Variants in TOX2 observed in about 807,000 individuals in gnomAD.
The protein encoded by TOX2 is TOX high mobility group box family member 2, also known as granulosa cell HMG box 1.
TOX2 carries 15 observed loss-of-function variants against 47.4 expected under a neutral mutation model. The observed-to-expected ratio is 0.32, with a 90% CI of 0.21 to 0.49. TOX2 has a LOEUF of 0.49. Ranked by LOEUF, TOX2 falls within the 20% of genes least tolerant of loss-of-function variation. TOX2 has a pLI of 0.99. For missense variants in TOX2, 622 were observed against 673.1 expected (o/e 0.92, Z 0.84); for synonymous variants, 290 against 296.6 (o/e 0.98, Z 0.23).
intron 1 of TOX2, among the ~76,000 whole-genome samples, chr20:43,964,889 ACCT>A (rs1361033462): frequency 6.6e-6 from 1 of 151,722 alleles, no homozygotes; most frequent in African/African-American, 2.4e-5. Context: ...TTGCCTAGTC[ACCT>A]CCTTTGCTTC....
chr20:44,049,361 A>C (rs969210738), intron 3 of TOX2, among the ~76,000 whole-genome samples: 1 of 152,254 alleles, frequency 6.6e-6, no homozygotes, highest in Non-Finnish European at 1.5e-5. Context: ...GGTCTCAAAG[A>C]AAACCTTAAC....
rs1279388843 is a variant in TOX2, at chr20:44,051,472, C to T, written c.578C>T (p.Pro193Leu). The T allele has an allele frequency of 6.8e-6, 11 of 1,613,490 alleles. No homozygotes were observed. Among genetic ancestry groups the T allele is most frequent in the East Asian group, 2.2e-5 (1 of 44,840 alleles). Residue 193 changes from proline to leucine, a missense_variant, in exon 4 of 9, where the codon CCG becomes CTG. Coordinates refer to ENST00000341197, the MANE Select transcript of TOX2 (RefSeq NM_001098797.2). Reference sequence around the variant, plus strand: ...AGCATCGCCCACAGCTCCCCATCACCGCCGGGGAGCAAGTCAGCGACCCCC... The same window carrying T: ...AGCATCGCCCACAGCTCCCCATCACTGCCGGGGAGCAAGTCAGCGACCCCC... ...RSSIAHSSPS[P>L]PGSKSATPSP...
chr20:44,022,377 C>T (rs1048833050), intron 3 of TOX2, among the ~76,000 whole-genome samples: 2 of 152,114 alleles, frequency 1.3e-5, no homozygotes, highest in Non-Finnish European at 2.9e-5. Context: ...AAATCAGATG[C>T]TGTCATGATT....
At chr20:44,053,328 A>G (rs1417695063) in intron 4 of TOX2, among the ~76,000 whole-genome samples, 1 of 152,058 alleles carries the variant, frequency 6.6e-6, no homozygotes, top group Admixed American at 6.6e-5. Context: ...GGGTCAAGGG[A>G]CTAAGCCACC....
chr20:44,066,202 A>G, intron 7 of TOX2, 95 bp downstream of exon 7: 1 of 1,347,756 alleles, frequency 7.4e-7, no homozygotes, highest in Non-Finnish European at 9.8e-7. Context: ...CTCACCAGTG[A>G]TATAACCTCA....
At chr20:44,010,795 A>T (rs759636242) in intron 3 of TOX2, among the ~76,000 whole-genome samples, 17 of 152,280 alleles carry the variant, frequency 1.1e-4, no homozygotes, top group Non-Finnish European at 2.1e-4. Flanking sequence ...AAGGTGGCAG[A>T]TGATTATATT....
chr20:44,027,884 T>C (rs1248645930), intron 3 of TOX2, among the ~76,000 whole-genome samples: 3 of 152,110 alleles, frequency 2.0e-5, no homozygotes, highest in African/African-American at 7.2e-5. Context: ...AGGTCCCACT[T>C]AGGGGATCAT....
At chr20:44,050,774 AG>A (rs11476102) in intron 3 of TOX2, among the ~76,000 whole-genome samples, 106,090 of 152,064 alleles carry the variant, frequency 0.7, 37,244 homozygotes, top group East Asian at 0.78. Context: ...TTGATCTTTA[AG>A]GAACCCTAGA....
chr20:44,054,473 G>C lies in TOX2; in HGVS notation c.826G>C (p.Val276Leu), dbSNP rs1462680382. 1.2e-6 allele frequency: 2 copies of C among 1,613,980 alleles called. No homozygotes were observed. Among genetic ancestry groups the C allele is most frequent in the Non-Finnish European group, 1.7e-6 (2 of 1,179,974 alleles). ...GQNPSATFGD[V>L]SKIVASMWDS... Reference sequence around the variant, plus strand: ...GAACCCCAGTGCCACTTTCGGTGACGTGTCCAAAATCGTGGCCTCCATGTG... The same window carrying C: ...GAACCCCAGTGCCACTTTCGGTGACCTGTCCAAAATCGTGGCCTCCATGTG... The change falls in exon 5 of 9, where the codon GTG becomes CTG. Residue 276 changes from valine (V) to leucine (L), a missense_variant. Physicochemically the swap from Val to Leu is conservative, Grantham distance 32. Transcript: ENST00000341197.
intron 2 of TOX2, among the ~76,000 whole-genome samples, chr20:43,995,058 T>G (rs1309349744): frequency 6.6e-6 from 1 of 152,088 alleles, no homozygotes; most frequent in African/African-American, 2.4e-5. Context: ...CACGCTTCAT[T>G]TTACCGGTAT....
At chr20:43,928,195 G>A (rs1204077418) in intron 1 of TOX2, among the ~76,000 whole-genome samples, 3 of 152,206 alleles carry the variant, frequency 2.0e-5, no homozygotes, top group African/African-American at 7.2e-5. Context: ...AGGGGCATTT[G>A]GAAAGCTGTT....
chr20:43,928,151 AG>A (rs1256571515), intron 1 of TOX2, among the ~76,000 whole-genome samples: 1 of 152,232 alleles, frequency 6.6e-6, no homozygotes, highest in African/African-American at 2.4e-5. Flanking sequence ...GAAGGTGCTG[AG>A]AGTGTCAAGA....
chr20:44,030,492 C>T (rs1017406166), intron 3 of TOX2, among the ~76,000 whole-genome samples: 11 of 152,212 alleles, frequency 7.2e-5, no homozygotes, highest in African/African-American at 2.7e-4. Context: ...AGCCTGGCCC[C>T]TGCCTGTGAC....
chr20:44,000,364 A>T (rs1313391213), intron 2 of TOX2, among the ~76,000 whole-genome samples: 2 of 152,114 alleles, frequency 1.3e-5, no homozygotes, highest in Admixed American at 6.5e-5. Flanking sequence ...TTTTGGACAC[A>T]TTTCGTGTAG....
At chr20:43,931,302 T>C (rs939352993) in intron 1 of TOX2, among the ~76,000 whole-genome samples, 2 of 151,710 alleles carry the variant, frequency 1.3e-5, no homozygotes, top group Admixed American at 1.3e-4. Flanking sequence ...CCACACCTGA[T>C]AATTTTTAAA....
intron 1 of TOX2, among the ~76,000 whole-genome samples, chr20:43,953,403 T>C (rs1600677808): frequency 6.6e-6 from 1 of 152,176 alleles, no homozygotes; most frequent in East Asian, 1.9e-4. Context: ...CCCTTGTACC[T>C]GTCTGTCATC....
intron 1 of TOX2, among the ~76,000 whole-genome samples, chr20:43,960,866 A>C (rs1271498183): frequency 2.0e-5 from 3 of 152,158 alleles, no homozygotes; most frequent in East Asian, 1.9e-4. Context: ...CAGACCATAA[A>C]ACTTAAGACT....
intron 7 of TOX2, 121 bp downstream of exon 7, chr20:44,066,228 C>T: frequency 9.2e-7 from 1 of 1,081,778 alleles, no homozygotes. Flanking sequence ...GGCACCTGAC[C>T]TCTCTGAGCC....
In TOX2 at chr20:44,065,636, G is replaced by C. The variant is rs960523713; in HGVS notation, c.961-76G>C. 6.0e-6 allele frequency: 9 copies of C among 1,498,996 alleles called. No homozygotes were observed. In the African/African-American group the frequency reaches 9.8e-5, roughly 16 times the overall value. 92.9% of individuals were successfully genotyped at this position (1,498,996 alleles called of 1,614,324 possible). ...AGCAGCCGTGTCAGTGGGTTGCAGA[G>C]CCTCCTGGCCTCACAGCCCATGTTC... On this transcript the variant is annotated intron_variant, in intron 6 of 8. Coordinates refer to ENST00000341197, the MANE Select transcript of TOX2 (RefSeq NM_001098797.2).
Sources: gnomAD v4.1 joint callset for allele counts (sites outside exome capture counted in the v4.1 genomes callset) on GRCh38, gnomAD v4.1.1 for gene constraint, MANE v1.5 for transcripts, NCBI Gene and HGNC (gene_info 2026-07-23, HGNC 2026-07-21) for gene names.